The following XPR1 variants were observed in gnomAD, a reference collection of about 807,000 sequenced individuals.
XPR1 encodes solute carrier family 53 member 1.
XPR1 carries 28 observed loss-of-function variants against 87.5 expected under a neutral mutation model. The ratio of observed to expected loss-of-function variants is 0.32; its 90% CI spans 0.24 to 0.44. XPR1 has a LOEUF of 0.44. Among genes scored for constraint, XPR1 ranks in the 20% least tolerant of loss-of-function variants. The pLI, the probability that XPR1 is intolerant of heterozygous loss-of-function variation, is 1.00. For synonymous variants in XPR1, 300 were observed against 306.1 expected, an observed-to-expected ratio of 0.98 and a Z score of 0.21; for missense variants, 559 against 862.3, an observed-to-expected ratio of 0.65 and a Z score of 4.41.
At position 180,656,456 on chromosome 1, in the gene XPR1, T is replaced by TTATATATAATATATA. The variant is rs1557941450; in HGVS notation, c.69+24187_69+24188insATATATAATATATAT. The stretch of plus-strand genomic sequence containing the variant: ...ATATTTATATATAAATATTTATATA[T>TTATATATAATATATA]TTATATATAATATTTATACATTATA... On this transcript the variant is annotated intron_variant, in intron 1 of 14. Coordinates refer to ENST00000367590, the MANE Select transcript of XPR1 (RefSeq NM_004736.4). Among the ~76,000 whole-genome samples the TTATATATAATATATA allele has an allele frequency of 3.0e-3, 10 of 3,346 alleles. 1 individual carries two copies. The highest frequency in any genetic ancestry group is 4.4e-3 in the African/African-American group (6 of 1,366). The allele number at this position is 3,346 out of a possible 152,430, so 2.2% of individuals were successfully genotyped here.
intron 2 of XPR1, among the ~76,000 whole-genome samples, chr1:180,690,879 A>G (rs771600508): frequency 4.6e-5 from 7 of 151,630 alleles, no homozygotes; most frequent in Non-Finnish European, 1.0e-4. Context: ...TACTGTTTAT[A>G]AAAAAAGGAG....
rs1258711178 is a variant in XPR1 at position 180,840,566 on chromosome 1, G to GTGTGTGTGTGTGTA, written c.1501+3851_1501+3852insGTGTGTGTGTGTAT. 2.9e-5 allele frequency among the ~76,000 whole-genome samples: 4 copies of GTGTGTGTGTGTGTA among 136,398 alleles called. No individual in the cohort carries two copies. The East Asian group carries it at 7.2e-4, about 25-fold the overall frequency. The allele number at this position is 136,398 out of a possible 152,430, so 89.5% of individuals were successfully genotyped here. A position where few individuals can be genotyped will look rare whatever the true frequency, so the allele number is the denominator to read the frequency against. ...TGTGTGTGTGTGTGTGTGTGTGTGT[G>GTGTGTGTGTGTGTA]TATATATATATATATATATATATAA... On this transcript the variant is annotated intron_variant, in intron 11 of 14. Transcript: ENST00000367590.
chr1:180,888,775 A>G lies in XPR1; in HGVS notation c.*4709A>G, dbSNP rs1401133029. The G allele has an allele frequency of 6.6e-6, 1 of 152,248 alleles. No homozygotes were observed. Among genetic ancestry groups the G allele is most frequent in the East Asian group, 1.9e-4 (1 of 5,204 alleles). 9.4% of individuals were successfully genotyped at this position (152,248 alleles called of 1,614,324 possible). A position where few individuals can be genotyped will look rare whatever the true frequency, so the allele number is the denominator to read the frequency against. On this transcript the variant is annotated 3_prime_UTR_variant, in exon 15 of 15. Transcript: ENST00000367590. ...ATCCTACAAACTCTCAACTTTCTGC[A>G]TTGTATTTTAAGTCTATACAATGTT... is the stretch of plus-strand genomic sequence containing the variant.
chr1:180,776,121 G>A (rs907091163), intron 2 of XPR1, among the ~76,000 whole-genome samples: 2 of 152,044 alleles, frequency 1.3e-5, no homozygotes, highest in Non-Finnish European at 2.9e-5. Flanking sequence ...CAAATCCTTT[G>A]CAAGTCCAGT....
intron 2 of XPR1, among the ~76,000 whole-genome samples, chr1:180,751,197 G>A (rs771544150): frequency 1.7e-4 from 26 of 151,922 alleles, no homozygotes; most frequent in Non-Finnish European, 3.2e-4. Context: ...TGCCTAGGAA[G>A]AAACAGTTTT....
intron 11 of XPR1, among the ~76,000 whole-genome samples, chr1:180,854,930 G>A (rs1651981414): frequency 1.3e-5 from 2 of 152,196 alleles, no homozygotes; most frequent in African/African-American, 2.4e-5. Flanking sequence ...GCTGCCCAGA[G>A]ACTATGTTGC....
intron 1 of XPR1, among the ~76,000 whole-genome samples, chr1:180,673,761 A>C (rs562286792): frequency 2.0e-5 from 3 of 152,340 alleles, no homozygotes; most frequent in African/African-American, 7.2e-5. Context: ...GGTCTTTGGA[A>C]TAATTGTCTT....
chr1:180,806,268 G>C, intron 5 of XPR1, 57 bp downstream of exon 5: 1 of 1,584,296 alleles, frequency 6.3e-7, no homozygotes, highest in Non-Finnish European at 8.6e-7. Flanking sequence ...TATATTTAGG[G>C]AAGCAATTCC....
intron 2 of XPR1, among the ~76,000 whole-genome samples, chr1:180,723,801 A>G (rs117296719): frequency 6.6e-6 from 1 of 152,278 alleles, no homozygotes; most frequent in East Asian, 1.9e-4. Context: ...GGTCATCCAG[A>G]TACATCATTT....
At chr1:180,717,694 G>A (rs1658046155) in intron 2 of XPR1, among the ~76,000 whole-genome samples, 2 of 152,116 alleles carry the variant, frequency 1.3e-5, no homozygotes, top group Admixed American at 6.5e-5. Flanking sequence ...GTGGCACGCT[G>A]GAACTGTCTC....
intron 4 of XPR1, 95 bp downstream of exon 4, chr1:180,803,706 C>A: frequency 9.5e-7 from 1 of 1,049,262 alleles, no homozygotes; most frequent in Non-Finnish European, 1.4e-6. Flanking sequence ...TGGGTCAGTT[C>A]CAAAAAGGAA....
At chr1:180,719,701 CTG>C (rs1054510580) in intron 2 of XPR1, among the ~76,000 whole-genome samples, 8 of 152,142 alleles carry the variant, frequency 5.3e-5, no homozygotes, top group African/African-American at 1.9e-4. Context: ...GTTGGGTTAT[CTG>C]TTACTTTAAA....
intron 11 of XPR1, among the ~76,000 whole-genome samples, chr1:180,840,231 A>C (rs1434526474): frequency 2.4e-3 from 4 of 1,636 alleles, no homozygotes; most frequent in Non-Finnish European, 0.011. Context: ...CTCTGTCTCA[A>C]AAAAAAAAAA....
chr1:180,833,992 C>CA lies in XPR1; in HGVS notation c.1135-875dup, dbSNP rs534166118. Among the ~76,000 whole-genome samples the CA allele has an allele frequency of 1.2e-3, 188 of 151,376 alleles. 1 individual carries two copies. In the Middle Eastern group the frequency reaches 0.017, roughly 14 times the overall value. ...CATATAATTACACCTCCACTCTAGA[C>CA]AAAAAAAGAATACAAATATCAAGGA... is the stretch of plus-strand genomic sequence containing the variant. On this transcript the variant is annotated intron_variant, in intron 9 of 14. Transcript: ENST00000367590.
intron 3 of XPR1, among the ~76,000 whole-genome samples, chr1:180,799,450 G>A (rs753255294): frequency 2.6e-5 from 4 of 152,108 alleles, no homozygotes; most frequent in Non-Finnish European, 5.9e-5. Context: ...CTATTTCTGG[G>A]TATATAGTAA....
chr1:180,757,506 C>CTT lies in XPR1; in HGVS notation c.122-30230_122-30229dup, dbSNP rs35380232. ...CAAAGAAGATGGAAAGTTACTAGGC[C>CTT]TTTTTTTTTTTTTTTTTTAAAGAGT... On this transcript the variant is annotated intron_variant, in intron 2 of 14. Transcript: ENST00000367590. 2.8e-3 allele frequency among the ~76,000 whole-genome samples: 371 copies of CTT among 134,464 alleles called. 2 individuals carry two copies. Among genetic ancestry groups the CTT allele is most frequent in the Non-Finnish European group, 3.8e-3 (237 of 63,098 alleles). 88.2% of individuals were successfully genotyped at this position (134,464 alleles called of 152,430 possible).
At chr1:180,852,714 A>G (rs1158159832) in intron 11 of XPR1, among the ~76,000 whole-genome samples, 1 of 151,746 alleles carries the variant, frequency 6.6e-6, no homozygotes, top group Non-Finnish European at 1.5e-5. Flanking sequence ...ACACTGGTTT[A>G]ATTTTGTTTA....
chr1:180,635,822 A>G (rs1445651565), intron 1 of XPR1, among the ~76,000 whole-genome samples: 1 of 152,154 alleles, frequency 6.6e-6, no homozygotes, highest in African/African-American at 2.4e-5. Flanking sequence ...ATTGGACTTG[A>G]TTTCTAAGCT....
intron 2 of XPR1, among the ~76,000 whole-genome samples, chr1:180,715,789 C>T (rs1038115185): frequency 6.6e-6 from 1 of 151,984 alleles, no homozygotes; most frequent in African/African-American, 2.4e-5. Context: ...TCTCCTGCCT[C>T]AGCCTCCTGA....
Sources: allele counts gnomAD v4.1 joint callset (sites outside exome capture counted in the v4.1 genomes callset), GRCh38; gene constraint gnomAD v4.1.1; transcripts MANE v1.5; gene names NCBI Gene and HGNC (gene_info 2026-07-23, HGNC 2026-07-21).